Variants in PAQR5 observed in about 807,000 individuals in gnomAD.
The protein encoded by PAQR5 is membrane progestin receptor gamma.
Under a neutral mutation model 34.5 loss-of-function variants are expected in PAQR5, and 20 were observed. The observed-to-expected ratio is 0.58, with a 90% confidence interval of 0.41 to 0.84. The LOEUF (loss-of-function observed/expected upper bound fraction) is 0.84. Ranked by LOEUF, PAQR5 falls within the 40% of genes least tolerant of loss-of-function variation. The pLI is 0.00. For synonymous variants in PAQR5, 131 were observed against 155.6 expected (o/e 0.84, Z 1.18); for missense variants, 378 against 412.7 (o/e 0.92, Z 0.73).
At chr15:69,383,661 C>A (rs369358639) in intron 4 of PAQR5, among the ~76,000 whole-genome samples, 875 of 77,392 alleles carry the variant, frequency 0.011, 15 homozygotes, top group East Asian at 0.07. Context: ...GGAGGGTGAG[C>A]GGGCCCTCTG....
chr15:69,358,138 G>A (rs2055128503), intron 2 of PAQR5, among the ~76,000 whole-genome samples: 1 of 152,070 alleles, frequency 6.6e-6, no homozygotes, highest in African/African-American at 2.4e-5. Context: ...ATTTACTATG[G>A]TAAATTCCCA....
At chr15:69,304,297 C>T (rs1459195058) in intron 1 of PAQR5, among the ~76,000 whole-genome samples, 2 of 152,248 alleles carry the variant, frequency 1.3e-5, no homozygotes, top group African/African-American at 4.8e-5. Flanking sequence ...TGCTGACTTT[C>T]AGCCACAGTG....
At chr15:69,319,178 T>TAAATATATACATATATATATTTAA (rs1258540259) in intron 1 of PAQR5, among the ~76,000 whole-genome samples, 1 of 4,284 alleles carries the variant, frequency 2.3e-4, no homozygotes, top group African/African-American at 2.5e-4. Flanking sequence ...TATATATATA[T>TAAATATATACATATATATATTTAA]ATATATATAT....
At position 69,359,862 on chromosome 15, in the gene PAQR5, CAT is replaced by C. The variant is rs1293543652; in HGVS notation, c.-115-103_-115-102del. On this transcript the variant is annotated intron_variant, in intron 2 of 8. Coordinates refer to ENST00000395407, the MANE Select transcript of PAQR5 (RefSeq NM_017705.4). ...TTAAGGAAGCTTGATCTTGTGCCAT[CAT>C]GTGTAGCAAGTATATGTTCAATAGT... 1.2e-5 allele frequency: 6 copies of C among 518,452 alleles called. No homozygotes were observed. The African/African-American group carries it at 1.2e-4, about 10-fold the overall frequency. 32.1% of individuals were successfully genotyped at this position (518,452 alleles called of 1,614,324 possible).
intron 1 of PAQR5, among the ~76,000 whole-genome samples, chr15:69,334,029 G>T (rs1188643127): frequency 2.0e-5 from 3 of 152,004 alleles, no homozygotes; most frequent in South Asian, 2.1e-4. Flanking sequence ...AATAAAGACG[G>T]TTTTTTTGTT....
intron 2 of PAQR5, among the ~76,000 whole-genome samples, chr15:69,347,575 C>T (rs1038291184): frequency 6.6e-6 from 1 of 152,160 alleles, no homozygotes; most frequent in Non-Finnish European, 1.5e-5. Context: ...CTCTCTTTCT[C>T]CCTGGTGGCC....
chr15:69,334,137 C>A (rs2054457043), intron 1 of PAQR5, among the ~76,000 whole-genome samples: 2 of 152,132 alleles, frequency 1.3e-5, no homozygotes, highest in Non-Finnish European at 1.5e-5. Context: ...AAGTGATTCT[C>A]CTGCCTCAGC....
rs1223699213 is a variant in PAQR5, at chr15:69,407,614, A to C, written c.*3792A>C. 1 of 152,232 alleles carries C rather than the reference A, an allele frequency of 6.6e-6. No homozygotes were observed. The highest frequency in any genetic ancestry group is 2.4e-5 in the African/African-American group (1 of 41,466). 9.4% of individuals were successfully genotyped at this position (152,232 alleles called of 1,614,324 possible). ...TTTTCTTGAACTATGTGAGAGAAAA[A>C]AATAAACAGAATTTATTTATTATCA... is the stretch of plus-strand genomic sequence containing the variant. On this transcript the variant is annotated 3_prime_UTR_variant, in exon 9 of 9. Transcript: ENST00000395407.
At chr15:69,383,734 C>T (rs370063285) in intron 4 of PAQR5, among the ~76,000 whole-genome samples, 15 of 60,254 alleles carry the variant, frequency 2.5e-4, no homozygotes, top group South Asian at 7.7e-4. Context: ...GGCCTCTGTG[C>T]TCATGGTGGA....
At chr15:69,325,787 G>A (rs2054237275) in intron 1 of PAQR5, among the ~76,000 whole-genome samples, 1 of 152,080 alleles carries the variant, frequency 6.6e-6, no homozygotes, top group Non-Finnish European at 1.5e-5. Flanking sequence ...GTCTCCTTAA[G>A]CCTCATCTAC....
chr15:69,300,642 TTTCTTTCTTTTC>T lies in PAQR5; in HGVS notation c.-277+1589_-277+1600del, dbSNP rs1233380922. On this transcript the variant is annotated intron_variant, in intron 1 of 8. Coordinates refer to ENST00000395407, the MANE Select transcript of PAQR5 (RefSeq NM_017705.4). ...CTTTCTTTCTTTCTTTCTTTCTTTC[TTTCTTTCTTTTC>T]TTTCTTTCTTTCATTCTTTCTCTTC... is the stretch of plus-strand genomic sequence containing the variant. 1.2e-4 allele frequency among the ~76,000 whole-genome samples: 4 copies of T among 33,898 alleles called. 2 individuals are homozygous for T. Among genetic ancestry groups the T allele is most frequent in the African/African-American group, 3.2e-4 (4 of 12,330 alleles). 22.2% of individuals were successfully genotyped at this position (33,898 alleles called of 152,430 possible). A position where few individuals can be genotyped will look rare whatever the true frequency, so the allele number is the denominator to read the frequency against.
intron 2 of PAQR5, among the ~76,000 whole-genome samples, chr15:69,347,392 T>G (rs1192392140): frequency 6.6e-6 from 1 of 152,226 alleles, no homozygotes; most frequent in African/African-American, 2.4e-5. Flanking sequence ...GAAAAAGAAA[T>G]TAAGTCCTAG....
At chr15:69,347,823 C>T (rs1381206188) in intron 2 of PAQR5, among the ~76,000 whole-genome samples, 1 of 152,136 alleles carries the variant, frequency 6.6e-6, no homozygotes, top group Admixed American at 6.5e-5. Context: ...GGCGTTAAGT[C>T]CCTTTCATGA....
At position 69,299,283 on chromosome 15, in the gene PAQR5, G is replaced by A. The variant is rs2053467536; in HGVS notation, c.-277+227G>A. On this transcript the variant is annotated intron_variant, in intron 1 of 8. Transcript: ENST00000395407. The stretch of plus-strand genomic sequence containing the variant: ...CGCGGGGCCGGTGTGAAGGTGGGGC[G>A]GCCGCCGCCGTGCAGAAGGCTCTCT... Among the ~76,000 whole-genome samples the A allele has an allele frequency of 3.3e-5, 5 of 152,322 alleles. No homozygotes were observed. The South Asian group carries it at 8.3e-4, about 25-fold the overall frequency.
In PAQR5 at chr15:69,360,120, C is replaced by A; in HGVS notation, c.40C>A (p.Gln14Lys). Residue 14 changes from glutamine to lysine, a missense_variant, in exon 3 of 9, where the codon CAG (glutamine) becomes AAG (lysine). Physicochemically the swap from Gln to Lys is moderately conservative, Grantham distance 53. Transcript: ENST00000395407. ...GCTCCCCAGGCTGTTTAGCATAGACCAGATACCCCAGGTATGTGCTCTATT... is the reference window on the plus strand; with the variant it reads ...GCTCCCCAGGCTGTTTAGCATAGACAAGATACCCCAGGTATGTGCTCTATT... ...LKLPRLFSID[Q>K]IPQVFHEQGI... 6.2e-7 allele frequency: 1 copy of A among 1,613,030 alleles called. No homozygotes were observed. The highest frequency in any genetic ancestry group is 8.5e-7 in the Non-Finnish European group (1 of 1,179,062).
intron 6 of PAQR5, among the ~76,000 whole-genome samples, chr15:69,392,406 C>T (rs2056299722): frequency 6.6e-6 from 1 of 152,214 alleles, no homozygotes; most frequent in East Asian, 1.9e-4. Context: ...CAGACATCTC[C>T]TGGGTGCCTG....
intron 2 of PAQR5, among the ~76,000 whole-genome samples, chr15:69,347,360 A>G (rs915026240): frequency 2.0e-5 from 3 of 152,084 alleles, no homozygotes; most frequent in Non-Finnish European, 2.9e-5. Flanking sequence ...AACATTCTGT[A>G]TTTTCCATTT....
intron 3 of PAQR5, among the ~76,000 whole-genome samples, chr15:69,370,441 A>G (rs1463910): frequency 0.95 from 144,324 of 152,330 alleles, 68,874 homozygotes; most frequent in South Asian, 1. Context: ...CTTAAAAGTT[A>G]TAAATGAAGC....
At chr15:69,331,763 A>G (rs1034188440) in intron 1 of PAQR5, among the ~76,000 whole-genome samples, 3 of 152,188 alleles carry the variant, frequency 2.0e-5, no homozygotes, top group South Asian at 2.1e-4. Context: ...CCAGACTTAT[A>G]TTGGGTGCTG....
Sources: allele counts gnomAD v4.1 joint callset (sites outside exome capture counted in the v4.1 genomes callset), GRCh38; gene constraint gnomAD v4.1.1; transcripts MANE v1.5; gene names NCBI Gene and HGNC (gene_info 2026-07-23, HGNC 2026-07-21).